The following PLOD2 variants were observed in gnomAD, a reference collection of about 807,000 sequenced individuals.
The protein encoded by PLOD2 is lysine hydroxylase 2.
In PLOD2, 65 loss-of-function variants were observed where a neutral mutation model predicts 101.0. The observed-to-expected ratio is 0.64, with a 90% CI of 0.53 to 0.79. The LOEUF is 0.79. Among genes scored for constraint, PLOD2 ranks in the 30% least tolerant of loss-of-function variants. The pLI is 0.00. For missense variants in PLOD2, 909 were observed against 914.6 expected (o/e 0.99, Z 0.08); for synonymous variants, 314 against 302.9 (o/e 1.04, Z -0.38).
chr3:146,079,166 G>C lies in PLOD2; in HGVS notation c.1450C>G (p.Arg484Gly), dbSNP rs774012315. ...GCCATATCAGGATCCAGTTTATCAC[G>C]AACAAAATAGTTCCTTTCATTCATC... ...SEMNERNYFVRDKLDPDMALC... is the reference protein window; with the variant it reads ...SEMNERNYFVGDKLDPDMALC... The change falls in exon 13 of 20, where the codon CGT (arginine) becomes GGT (glycine). Residue 484 changes from arginine (R) to glycine (G), a missense_variant. By Grantham distance (125) the Arg-to-Gly change is moderately radical. Transcript: ENST00000282903. The C allele has an allele frequency of 1.2e-6, 2 of 1,612,422 alleles. No individual in the cohort carries two copies. Among genetic ancestry groups the C allele is most frequent in the African/African-American group, 2.7e-5 (2 of 74,952 alleles).
At chr3:146,128,819 G>A (rs2108105824) in intron 1 of PLOD2, among the ~76,000 whole-genome samples, 1 of 138,768 alleles carries the variant, frequency 7.2e-6, no homozygotes, top group East Asian at 2.3e-4. Context: ...AACAGAAAGT[G>A]TTTTTGCTAA....
chr3:146,129,221 T>A (rs540541041), intron 1 of PLOD2, among the ~76,000 whole-genome samples: 146 of 152,290 alleles, frequency 9.6e-4, no homozygotes, highest in African/African-American at 3.4e-3. Flanking sequence ...GTTGAGAAAC[T>A]TCTTCTGCAA....
At chr3:146,144,805 G>A (rs755613168) in intron 1 of PLOD2, among the ~76,000 whole-genome samples, 4 of 151,246 alleles carry the variant, frequency 2.6e-5, no homozygotes, top group Non-Finnish European at 5.9e-5. Flanking sequence ...TTATCAATAT[G>A]TATGTATATC....
At chr3:146,153,037 G>A (rs2032136841) in intron 1 of PLOD2, among the ~76,000 whole-genome samples, 2 of 152,290 alleles carry the variant, frequency 1.3e-5, no homozygotes, top group South Asian at 2.1e-4. Context: ...GGGCATTCTG[G>A]TCACCACTGT....
At chr3:146,073,439 A>G (rs1936222869) in intron 15 of PLOD2, 87 bp from the exon 16 acceptor site, 2 of 531,524 alleles carry the variant, frequency 3.8e-6, no homozygotes, top group Non-Finnish European at 6.8e-6. Flanking sequence ...GAAATTATTC[A>G]ACTTATAAAT....
intron 6 of PLOD2, among the ~76,000 whole-genome samples, chr3:146,103,924 G>A (rs1055383644): frequency 2.6e-5 from 4 of 151,478 alleles, no homozygotes; most frequent in African/African-American, 9.7e-5. Context: ...GGGTCAAAAG[G>A]ATCTACTCTA....
At chr3:146,074,003 G>GCAAGT (rs1294156537) in intron 15 of PLOD2, among the ~76,000 whole-genome samples, 5 of 151,390 alleles carry the variant, frequency 3.3e-5, no homozygotes, top group Admixed American at 2.0e-4. Flanking sequence ...ACTAGCACTT[G>GCAAGT]CACTTCTTTC....
chr3:146,154,247 T>C (rs1243625304), intron 1 of PLOD2, among the ~76,000 whole-genome samples: 2 of 152,218 alleles, frequency 1.3e-5, no homozygotes, highest in African/African-American at 2.4e-5. Flanking sequence ...GTAATAATCA[T>C]GTTCTTTATT....
At chr3:146,127,992 A>C (rs1388219686) in intron 1 of PLOD2, among the ~76,000 whole-genome samples, 1 of 152,208 alleles carries the variant, frequency 6.6e-6, no homozygotes, top group Non-Finnish European at 1.5e-5. Flanking sequence ...ATTCCTATAA[A>C]GACAGAGTAC....
At chr3:146,087,318 A>G (rs1367721627) in intron 9 of PLOD2, among the ~76,000 whole-genome samples, 1 of 151,984 alleles carries the variant, frequency 6.6e-6, no homozygotes, top group Non-Finnish European at 1.5e-5. Flanking sequence ...AAAAATGTCT[A>G]CTAAGCATAA....
Position 146,071,139 on chromosome 3 carries a change from T to G in PLOD2, c.2024A>C (p.Lys675Thr). ...AGAACGCTGTCGTTCAGGGGAGTAT[T>G]TTACTACAAAATTCAGTAGTGCAAA... Reference protein sequence around the residue: ...KGFALLNFVVKYSPERQRSLR... With the variant: ...KGFALLNFVVTYSPERQRSLR... Residue 675 changes from lysine to threonine, a missense_variant, in exon 19 of 20, where the codon AAA becomes ACA. By Grantham distance (78) the Lys-to-Thr change is moderately conservative (BLOSUM62 -1). Coordinates refer to ENST00000282903, the MANE Select transcript of PLOD2 (RefSeq NM_182943.3). 1 of 1,611,368 alleles carries G rather than the reference T, an allele frequency of 6.2e-7. No homozygotes were observed. The highest frequency in any genetic ancestry group is 1.1e-5 in the South Asian group (1 of 91,006).
chr3:146,104,328 G>A lies in PLOD2; in HGVS notation c.630C>T (p.Ile210=). ...AAATTTTGCATTTGTGATCCAATGT[G>A]ATGTTAATAGCTTCCTAAAACATAA... ...IDPLKREAIN[I]TLDHKCKIFQ... is the part of the protein sequence containing the mutation. The change falls in exon 6 of 20, where the codon ATC becomes ATT. Residue 210 remains isoleucine, a synonymous_variant. Transcript: ENST00000282903. The A allele has an allele frequency of 6.5e-7, 1 of 1,546,152 alleles. No individual in the cohort carries two copies. The highest frequency in any genetic ancestry group is 1.1e-5 in the South Asian group (1 of 89,648).
At chr3:146,121,715 C>G (rs1383002815) in intron 2 of PLOD2, among the ~76,000 whole-genome samples, 1 of 151,880 alleles carries the variant, frequency 6.6e-6, no homozygotes, top group African/African-American at 2.4e-5. Flanking sequence ...CAGAGGGCAT[C>G]AAGAAAAAAA....
At chr3:146,127,564 T>C (rs1280799030) in intron 1 of PLOD2, among the ~76,000 whole-genome samples, 1 of 152,122 alleles carries the variant, frequency 6.6e-6, no homozygotes, top group Non-Finnish European at 1.5e-5. Context: ...ATTTTCTTTA[T>C]CCAGTCAACC....
intron 1 of PLOD2, among the ~76,000 whole-genome samples, chr3:146,132,621 T>C (rs554895329): frequency 9.2e-5 from 14 of 152,308 alleles, no homozygotes; most frequent in Admixed American, 9.1e-4. Context: ...ATCATCCCTT[T>C]GGATACTCAT....
chr3:146,094,013 C>T (rs978214640), intron 7 of PLOD2, among the ~76,000 whole-genome samples: 13 of 152,146 alleles, frequency 8.5e-5, no homozygotes, highest in African/African-American at 2.7e-4. Context: ...ATCACCACCC[C>T]CCATTTACAT....
intron 10 of PLOD2, 187 bp from the exon 11 acceptor site, chr3:146,085,460 C>A: frequency 1.7e-6 from 1 of 574,604 alleles, no homozygotes; most frequent in Non-Finnish European, 3.1e-6. Flanking sequence ...CAATTTAACA[C>A]GGATATTCAC....
At chr3:146,129,132 G>C (rs1162183509) in intron 1 of PLOD2, among the ~76,000 whole-genome samples, 1 of 151,956 alleles carries the variant, frequency 6.6e-6, no homozygotes. Context: ...GACCAGACAT[G>C]TCTTTTATCT....
chr3:146,140,650 A>G (rs1379041063), intron 1 of PLOD2, among the ~76,000 whole-genome samples: 1 of 152,238 alleles, frequency 6.6e-6, no homozygotes, highest in East Asian at 1.9e-4. Context: ...TACTCTCTGC[A>G]TTTTTAGTCA....
Sources: allele counts gnomAD v4.1 joint callset (sites outside exome capture counted in the v4.1 genomes callset), GRCh38; gene constraint gnomAD v4.1.1; transcripts MANE v1.5; gene names NCBI Gene and HGNC (gene_info 2026-07-23, HGNC 2026-07-21).